Variants in CCDC39 observed in about 807,000 individuals in gnomAD.
The protein encoded by CCDC39 is coiled-coil domain-containing protein 39.
In CCDC39, 113 loss-of-function variants were observed where a neutral mutation model predicts 121.0. The ratio of observed to expected loss-of-function variants is 0.93; its 90% CI spans 0.80 to 1.09. The LOEUF is 1.09. Ranked by LOEUF, CCDC39 falls within the 50% of genes least tolerant of loss-of-function variation. The pLI, the probability that CCDC39 is intolerant of heterozygous loss-of-function variation, is 0.00. For synonymous variants in CCDC39, 349 were observed against 352.2 expected, an observed-to-expected ratio of 0.99 and a Z score of 0.10; for missense variants, 1,063 against 1,074.7, an observed-to-expected ratio of 0.99 and a Z score of 0.15.
At position 180,651,371 on chromosome 3, in the gene CCDC39, A is replaced by G. The variant is rs1326334008; in HGVS notation, c.1167+30T>C. 4 of 1,530,940 alleles carry G rather than the reference A, an allele frequency of 2.6e-6. No individual in the cohort carries two copies. The Admixed American group carries it at 8.1e-5, about 31-fold the overall frequency. 94.8% of individuals were successfully genotyped at this position (1,530,940 alleles called of 1,614,324 possible). Reference sequence around the variant, plus strand: ...ATTCACTGTTGCTAAATTTTCTGTGATTTAAAGAAAAATTAAAACTAAACT... The same window carrying G: ...ATTCACTGTTGCTAAATTTTCTGTGGTTTAAAGAAAAATTAAAACTAAACT... On this transcript the variant is annotated intron_variant, in intron 9 of 19. Coordinates refer to ENST00000476379, the MANE Select transcript of CCDC39 (RefSeq NM_181426.2).
intron 1 of CCDC39, among the ~76,000 whole-genome samples, chr3:180,667,805 C>T (rs1375506386): frequency 6.6e-6 from 1 of 152,078 alleles, no homozygotes; most frequent in African/African-American, 2.4e-5. Flanking sequence ...GCCTCTTGCA[C>T]CAAACAATTA....
intron 6 of CCDC39, among the ~76,000 whole-genome samples, chr3:180,658,976 T>G (rs1161134636): frequency 6.6e-6 from 1 of 152,212 alleles, no homozygotes; most frequent in Non-Finnish European, 1.5e-5. Flanking sequence ...CAGTGCAGTA[T>G]TCCCCGCTTC....
chr3:180,624,619 T>C (rs1017137410), intron 14 of CCDC39, among the ~76,000 whole-genome samples: 6 of 152,212 alleles, frequency 3.9e-5, no homozygotes, highest in African/African-American at 1.4e-4. Flanking sequence ...TTCACGATGG[T>C]GAATACTGAC....
chr3:180,672,839 G>T (rs1457486582), intron 1 of CCDC39, among the ~76,000 whole-genome samples: 1 of 152,130 alleles, frequency 6.6e-6, no homozygotes, highest in Non-Finnish European at 1.5e-5. Context: ...TTCTGGAAAG[G>T]ATTTATCATT....
intron 19 of CCDC39, among the ~76,000 whole-genome samples, chr3:180,615,614 A>G (rs1394139341): frequency 6.6e-6 from 1 of 152,122 alleles, no homozygotes; most frequent in Non-Finnish European, 1.5e-5. Context: ...TAAATGAAAC[A>G]CTTTTTTTAG....
chr3:180,620,958 C>T (rs78195164), intron 14 of CCDC39, among the ~76,000 whole-genome samples: 19,075 of 152,030 alleles, frequency 0.13, 1,547 homozygotes, highest in Admixed American at 0.17. Flanking sequence ...TATCACTCCA[C>T]GCTCTACCTC....
In CCDC39 at chr3:180,648,242, A is replaced by G. The variant is rs1718118993; in HGVS notation, c.1285T>C (p.Ser429Pro). The G allele has an allele frequency of 6.2e-7, 1 of 1,613,594 alleles. No individual in the cohort carries two copies. Among genetic ancestry groups the G allele is most frequent in the Non-Finnish European group, 8.5e-7 (1 of 1,179,670 alleles). The change falls in exon 10 of 20, where the codon TCT becomes CCT. Residue 429 changes from serine (S) to proline (P), a missense_variant. Transcript: ENST00000476379. ...AACTGATGGTTGAGATGTTTCAGAG[A>G]GGAACGAGTTCCTTCAATTTCTGAT... The part of the protein sequence containing the change: ...VLSEIEGTRS[S>P]LKHLNHQLQK...
At chr3:180,655,406 C>A (rs900802526) in intron 6 of CCDC39, among the ~76,000 whole-genome samples, 3 of 150,482 alleles carry the variant, frequency 2.0e-5, no homozygotes, top group East Asian at 1.9e-4. Context: ...GTCGTAGAGA[C>A]AATAATAAAT....
At chr3:180,633,527 G>A (rs1717750820) in intron 13 of CCDC39, among the ~76,000 whole-genome samples, 1 of 152,126 alleles carries the variant, frequency 6.6e-6, no homozygotes, top group Admixed American at 6.6e-5. Context: ...AAGATTTAAT[G>A]AGCAATCTGG....
At chr3:180,624,698 T>A (rs1417278768) in intron 14 of CCDC39, among the ~76,000 whole-genome samples, 1 of 152,228 alleles carries the variant, frequency 6.6e-6, no homozygotes, top group African/African-American at 2.4e-5. Flanking sequence ...AAGAATTCCC[T>A]TAGTGTTTGC....
At chr3:180,664,970 T>C (rs1466780367) in intron 1 of CCDC39, among the ~76,000 whole-genome samples, 4 of 151,570 alleles carry the variant, frequency 2.6e-5, no homozygotes, top group Non-Finnish European at 5.9e-5. Context: ...AGCCTCCCAA[T>C]GTGCTGGGAT....
At chr3:180,633,155 C>T (rs1483485622) in intron 13 of CCDC39, among the ~76,000 whole-genome samples, 1 of 152,200 alleles carries the variant, frequency 6.6e-6, no homozygotes. Flanking sequence ...ACAATCAGCC[C>T]TCCCATTTAG....
intron 12 of CCDC39, among the ~76,000 whole-genome samples, chr3:180,643,117 G>A (rs1423776069): frequency 6.6e-5 from 10 of 151,902 alleles, no homozygotes; most frequent in African/African-American, 2.4e-4. Flanking sequence ...CCGCCACCAC[G>A]CCCGGCTAAT....
chr3:180,619,853 T>C lies in CCDC39; in HGVS notation c.2116A>G (p.Asn706Asp), dbSNP rs1717384779. 6.2e-7 allele frequency: 1 copy of C among 1,608,218 alleles called. No homozygotes were observed. Among genetic ancestry groups the C allele is most frequent in the African/African-American group, 1.3e-5 (1 of 74,276 alleles). ...ENTLQVLNSC[N>D]NNYKQSFKKV... ...TTAAAAGATTGCTTATAATTGTTGT[T>C]ACAGCTGTTCAGCACTTGAAGGGTA... Residue 706 changes from asparagine (N) to aspartate (D), a missense_variant, in exon 15 of 20, where the codon AAC becomes GAC. By Grantham distance (23) the Asn-to-Asp change is conservative. Coordinates refer to ENST00000476379, the MANE Select transcript of CCDC39 (RefSeq NM_181426.2).
chr3:180,658,422 C>T (rs1030925583), intron 6 of CCDC39, among the ~76,000 whole-genome samples: 22 of 151,614 alleles, frequency 1.5e-4, no homozygotes, highest in African/African-American at 4.8e-4. Flanking sequence ...ACGGTGAAAC[C>T]CCGTCTCTAC....
chr3:180,642,714 C>T (rs1456506067), intron 12 of CCDC39, among the ~76,000 whole-genome samples: 4 of 151,976 alleles, frequency 2.6e-5, no homozygotes, highest in Non-Finnish European at 4.4e-5. Context: ...TAGATACTTA[C>T]ATCTCACGTG....
In CCDC39 at chr3:180,616,632, G is replaced by A. The variant is rs1423596492; in HGVS notation, c.2470C>T (p.Gln824Ter). The A allele has an allele frequency of 6.3e-7, 1 of 1,595,818 alleles. No homozygotes were observed. Among genetic ancestry groups the A allele is most frequent in the Admixed American group, 1.7e-5 (1 of 57,470 alleles). The change falls in exon 18 of 20, where the codon CAA becomes TAA. Residue 824 changes from glutamine (Q) to a stop codon, truncating the protein, a stop_gained. Coordinates refer to ENST00000476379, the MANE Select transcript of CCDC39 (RefSeq NM_181426.2). LOFTEE classifies it high-confidence loss of function. Reference sequence around the variant, plus strand: ...TTCATTTCACGAAGTTTGATGTCTTGTTCTTCCATTGTTTCATCTTTTGTG... The same window carrying A: ...TTCATTTCACGAAGTTTGATGTCTTATTCTTCCATTGTTTCATCTTTTGTG... ...KDTKDETMEEQDIKLREMKQF... is the reference protein window; with the variant it reads ...KDTKDETMEE
Position 180,667,459 on chromosome 3 carries a change from C to G in CCDC39, c.91-3473G>C, listed in dbSNP as rs1320883992. On this transcript the variant is annotated intron_variant, in intron 1 of 19. Transcript: ENST00000476379. ...TTATTTTGTGTCTCTATGTCACATT[C>G]TGGTACCTCTTGCAATATTTAAAAT... 2.0e-5 allele frequency among the ~76,000 whole-genome samples: 3 copies of G among 152,202 alleles called. No individual in the cohort carries two copies. The East Asian group carries it at 5.8e-4, about 29-fold the overall frequency.
chr3:180,614,058 T>G lies in CCDC39; in HGVS notation c.*863A>C, dbSNP rs1717123542. On this transcript the variant is annotated 3_prime_UTR_variant, in exon 20 of 20. Transcript: ENST00000476379. ...TCCAGTTTTATAATATTCCACACTC[T>G]ATTCCAAGAGTACAAAGTGTTGGGC... 1 of 303,112 alleles carries G rather than the reference T, an allele frequency of 3.3e-6. No individual in the cohort carries two copies. Among genetic ancestry groups the G allele is most frequent in the Non-Finnish European group, 6.5e-6 (1 of 154,230 alleles). The allele number at this position is 303,112 out of a possible 1,614,324, so 18.8% of individuals were successfully genotyped here. A position where few individuals can be genotyped will look rare whatever the true frequency, so the allele number is the denominator to read the frequency against.
Sources: allele counts gnomAD v4.1 joint callset (sites outside exome capture counted in the v4.1 genomes callset), GRCh38; gene constraint gnomAD v4.1.1; transcripts MANE v1.5; gene names NCBI Gene and HGNC (gene_info 2026-07-23, HGNC 2026-07-21).